Variants in GUCY1A2 observed in about 807,000 individuals in gnomAD.
The protein encoded by GUCY1A2 is guanylate cyclase 1 soluble subunit alpha 2.
GUCY1A2 carries 27 observed loss-of-function variants against 63.5 expected under a neutral mutation model. The ratio of observed to expected loss-of-function variants is 0.43; its 90% CI spans 0.31 to 0.59. The LOEUF is 0.59. GUCY1A2 is among the 20% of genes least tolerant of loss of function. GUCY1A2 has a pLI of 0.11. For synonymous variants in GUCY1A2, 364 were observed against 343.5 expected (o/e 1.06, Z -0.66); for missense variants, 768 against 913.3 (o/e 0.84, Z 2.05).
chr11:106,983,299 T>G lies in GUCY1A2; in HGVS notation c.365+2771A>C, dbSNP rs547076298. ...CCCCAACTTGAATGATCTCTATGAA[T>G]AAATAAATGAACAAGTGAATGGATA... On this transcript the variant is annotated intron_variant, in intron 2 of 7. Transcript: ENST00000526355. Among the ~76,000 whole-genome samples the G allele has an allele frequency of 5.3e-5, 8 of 152,276 alleles. No individual in the cohort carries two copies. The South Asian group carries it at 1.7e-3, about 32-fold the overall frequency.
At chr11:106,885,341 A>G (rs1859883860) in intron 4 of GUCY1A2, among the ~76,000 whole-genome samples, 1 of 152,182 alleles carries the variant, frequency 6.6e-6, no homozygotes, top group South Asian at 2.1e-4. Flanking sequence ...CATCAATCTT[A>G]CATTAACTGA....
chr11:106,713,486 T>G (rs1020092195), intron 6 of GUCY1A2, among the ~76,000 whole-genome samples: 1 of 145,922 alleles, frequency 6.9e-6, no homozygotes, highest in Non-Finnish European at 1.5e-5. Flanking sequence ...ACTGCAATAT[T>G]AGTATGTTTC....
intron 5 of GUCY1A2, among the ~76,000 whole-genome samples, chr11:106,786,811 A>G (rs1864562762): frequency 6.6e-6 from 1 of 151,998 alleles, no homozygotes; most frequent in South Asian, 2.1e-4. Context: ...TTTTTTGCAA[A>G]CTTTCTGTAC....
intron 2 of GUCY1A2, among the ~76,000 whole-genome samples, chr11:106,982,260 A>C (rs1485302066): frequency 6.6e-6 from 1 of 152,188 alleles, no homozygotes; most frequent in Non-Finnish European, 1.5e-5. Flanking sequence ...ATATCAGAAA[A>C]AAAGTACCAT....
chr11:106,744,244 CTTT>C (rs5794491), intron 6 of GUCY1A2, among the ~76,000 whole-genome samples: 7 of 112,668 alleles, frequency 6.2e-5, no homozygotes, highest in Non-Finnish European at 5.2e-5. Flanking sequence ...AACATAAATG[CTTT>C]TTTTTTTTTT....
At chr11:106,940,582 C>T (rs1331575732) in intron 3 of GUCY1A2, among the ~76,000 whole-genome samples, 2 of 152,114 alleles carry the variant, frequency 1.3e-5, no homozygotes, top group Non-Finnish European at 2.9e-5. Flanking sequence ...CTACATGATG[C>T]ATTATTATCA....
intron 4 of GUCY1A2, among the ~76,000 whole-genome samples, chr11:106,919,913 C>A (rs1860419314): frequency 6.6e-6 from 1 of 152,042 alleles, no homozygotes; most frequent in South Asian, 2.1e-4. Flanking sequence ...ACCTCCACTG[C>A]TTTACTCACA....
intron 4 of GUCY1A2, among the ~76,000 whole-genome samples, chr11:106,867,871 G>A (rs1420287192): frequency 6.6e-6 from 1 of 151,970 alleles, no homozygotes; most frequent in Non-Finnish European, 1.5e-5. Context: ...CTCAGTGCTA[G>A]TAAGCACATG....
chr11:106,898,911 T>TA (rs1374020855), intron 4 of GUCY1A2, among the ~76,000 whole-genome samples: 5 of 152,152 alleles, frequency 3.3e-5, no homozygotes, highest in African/African-American at 7.2e-5. Flanking sequence ...ATCACTCTGG[T>TA]AGAGAATGTT....
At chr11:106,687,894 T>G in intron 7 of GUCY1A2, 138 bp from the exon 8 acceptor site, 1 of 615,716 alleles carries the variant, frequency 1.6e-6, no homozygotes, top group Non-Finnish European at 2.9e-6. Flanking sequence ...GATGTGGCCT[T>G]CATCAGATTC....
intron 4 of GUCY1A2, among the ~76,000 whole-genome samples, chr11:106,873,735 G>C (rs562382220): frequency 1.7e-4 from 26 of 152,222 alleles, no homozygotes; most frequent in African/African-American, 6.3e-4. Context: ...TCACTCTGAT[G>C]ATAGTTTCTT....
chr11:106,868,824 G>C (rs908518174), intron 4 of GUCY1A2, among the ~76,000 whole-genome samples: 9 of 152,130 alleles, frequency 5.9e-5, no homozygotes, highest in Admixed American at 3.9e-4. Context: ...AAAGAACAAA[G>C]CTGGAGGCAT....
intron 4 of GUCY1A2, chr11:106,936,692 C>G: frequency 6.5e-7 from 1 of 1,528,086 alleles, no homozygotes; most frequent in Non-Finnish European, 8.7e-7. Flanking sequence ...GCGTCAGATG[C>G]CCCTCGGTGA....
chr11:106,733,839 G>A (rs1447337595), intron 6 of GUCY1A2, among the ~76,000 whole-genome samples: 1 of 152,096 alleles, frequency 6.6e-6, no homozygotes, highest in Non-Finnish European at 1.5e-5. Flanking sequence ...CTTGGATATC[G>A]AAGGCAATCA....
intron 6 of GUCY1A2, among the ~76,000 whole-genome samples, chr11:106,767,414 T>C (rs889851545): frequency 6.6e-6 from 1 of 152,122 alleles, no homozygotes; most frequent in Non-Finnish European, 1.5e-5. Context: ...GTAGCATAAA[T>C]ATGCAAATAT....
At chr11:106,746,560 A>T (rs773720215) in intron 6 of GUCY1A2, 1 of 1,585,078 alleles carries the variant, frequency 6.3e-7, no homozygotes, top group Admixed American at 1.7e-5. Context: ...CCTTTTCAGT[A>T]CCCAAATCCG....
intron 3 of GUCY1A2, among the ~76,000 whole-genome samples, chr11:106,974,561 T>G (rs1861238234): frequency 2.0e-5 from 3 of 152,088 alleles, no homozygotes; most frequent in Admixed American, 6.6e-5. Flanking sequence ...GATTGTGGAA[T>G]CAGTGGCATC....
intron 4 of GUCY1A2, among the ~76,000 whole-genome samples, chr11:106,889,895 T>G (rs762232563): frequency 2.5e-4 from 38 of 152,194 alleles, no homozygotes; most frequent in Non-Finnish European, 4.4e-4. Context: ...TGATTTTTAT[T>G]TATAATAGAA....
intron 4 of GUCY1A2, among the ~76,000 whole-genome samples, chr11:106,889,095 T>C (rs1225031062): frequency 2.6e-5 from 4 of 152,152 alleles, no homozygotes; most frequent in South Asian, 2.1e-4. Context: ...TAAAAACTGG[T>C]TCCTTTAAAT....
Sources: gnomAD v4.1 joint callset for allele counts (sites outside exome capture counted in the v4.1 genomes callset) on GRCh38, gnomAD v4.1.1 for gene constraint, MANE v1.5 for transcripts, NCBI Gene and HGNC (gene_info 2026-07-23, HGNC 2026-07-21) for gene names.